The following AFAP1 variants were observed in gnomAD, a reference collection of about 807,000 sequenced individuals.
AFAP1 encodes actin filament associated protein 1, also known as actin filament-associated protein 1.
AFAP1 carries 75 observed loss-of-function variants against 93.9 expected under a neutral mutation model. The ratio of observed to expected loss-of-function variants is 0.80; its 90% CI spans 0.66 to 0.97. The LOEUF (loss-of-function observed/expected upper bound fraction) is 0.97, where lower values mean the gene tolerates loss of function less well. Ranked by LOEUF, AFAP1 falls within the 50% of genes least tolerant of loss-of-function variation. The probability of loss-of-function intolerance (pLI) is 0.00; values close to 1 mark genes in which losing one functional copy is unlikely to be tolerated. For synonymous variants in AFAP1, 517 were observed against 430.7 expected (o/e 1.20, Z -2.48); for missense variants, 1,201 against 1,050.8 (o/e 1.14, Z -1.98).
rs1713477829 is a variant in AFAP1 at position 7,759,489 on chromosome 4, G to T, written c.*4276C>A. The T allele has an allele frequency of 6.6e-6, 1 of 152,634 alleles. No individual in the cohort carries two copies. Among genetic ancestry groups the T allele is most frequent in the Non-Finnish European group, 1.5e-5 (1 of 68,034 alleles). The allele number at this position is 152,634 out of a possible 1,614,324, so 9.5% of individuals were successfully genotyped here. A position where few individuals can be genotyped will look rare whatever the true frequency, so the allele number is the denominator to read the frequency against. On this transcript the variant is annotated 3_prime_UTR_variant, in exon 18 of 18. Coordinates refer to ENST00000420658, the MANE Select transcript of AFAP1 (RefSeq NM_001134647.2). ...AGTGCTGTGCCACGTATTTACGGCA[G>T]GAACGTTTTGGTTTCATTTTAGTTT...
chr4:7,815,512 G>C (rs1234898490), intron 8 of AFAP1, among the ~76,000 whole-genome samples: 2 of 152,166 alleles, frequency 1.3e-5, no homozygotes, highest in African/African-American at 4.8e-5. Context: ...GAAATCGGCA[G>C]GTCTGGCCTC....
intron 8 of AFAP1, among the ~76,000 whole-genome samples, chr4:7,814,678 C>T (rs6826765): frequency 6.6e-6 from 1 of 152,182 alleles, no homozygotes; most frequent in Non-Finnish European, 1.5e-5. Context: ...AAGTCTGCAA[C>T]CGAGATGCTT....
chr4:7,826,542 CCAAAAA>C (rs1321761843), intron 6 of AFAP1, among the ~76,000 whole-genome samples: 1 of 152,206 alleles, frequency 6.6e-6, no homozygotes, highest in Non-Finnish European at 1.5e-5. Flanking sequence ...GGCCGGTAGG[CCAAAAA>C]CAAAAACAAA....
At chr4:7,891,039 C>A (rs1718441368) in intron 1 of AFAP1, among the ~76,000 whole-genome samples, 2 of 150,786 alleles carry the variant, frequency 1.3e-5, no homozygotes, top group African/African-American at 4.9e-5. Context: ...AAACAGATTG[C>A]AATATGTTCA....
At chr4:7,779,279 T>C (rs1189577195) in intron 13 of AFAP1, 1 of 172,304 alleles carries the variant, frequency 5.8e-6, no homozygotes, top group Non-Finnish European at 1.2e-5. Context: ...AGCACGACCC[T>C]GCAGTGTGAG....
chr4:7,826,441 C>G (rs536583748), intron 6 of AFAP1, among the ~76,000 whole-genome samples: 2 of 152,228 alleles, frequency 1.3e-5, no homozygotes, highest in Admixed American at 6.5e-5. Flanking sequence ...CAGCTGGAGA[C>G]AGAGCACAGC....
intron 4 of AFAP1, among the ~76,000 whole-genome samples, chr4:7,853,286 T>A (rs1213205973): frequency 6.7e-6 from 1 of 150,130 alleles, no homozygotes; most frequent in Non-Finnish European, 1.5e-5. Flanking sequence ...TTCTACTGTA[T>A]CAGCCTAGCA....
At chr4:7,837,554 T>G (rs1294946051) in intron 6 of AFAP1, among the ~76,000 whole-genome samples, 1 of 152,136 alleles carries the variant, frequency 6.6e-6, no homozygotes, top group Non-Finnish European at 1.5e-5. Context: ...AATAAGCCAC[T>G]CAGTTTATCA....
At chr4:7,858,610 T>C (rs1000848931) in intron 3 of AFAP1, among the ~76,000 whole-genome samples, 1 of 152,048 alleles carries the variant, frequency 6.6e-6, no homozygotes, top group South Asian at 2.1e-4. Flanking sequence ...ACAGGGAAGG[T>C]AGGTTTCCAA....
intron 1 of AFAP1, among the ~76,000 whole-genome samples, chr4:7,935,123 C>CA (rs1721299861): frequency 1.3e-5 from 2 of 152,306 alleles, no homozygotes; most frequent in South Asian, 4.1e-4. Flanking sequence ...AAGGAAAACT[C>CA]AGATTCATTC....
intron 10 of AFAP1, among the ~76,000 whole-genome samples, chr4:7,799,608 G>A (rs1226664071): frequency 6.6e-6 from 1 of 152,154 alleles, no homozygotes; most frequent in African/African-American, 2.4e-5. Flanking sequence ...GCGACCATCT[G>A]GCGTGTGAAT....
chr4:7,932,993 C>A (rs1721165378), intron 1 of AFAP1, among the ~76,000 whole-genome samples: 1 of 119,052 alleles, frequency 8.4e-6, no homozygotes, highest in Admixed American at 1.1e-4. Context: ...GCACTCCAGC[C>A]TGGGCAACAG....
At chr4:7,874,074 T>C (rs1333285762) in intron 1 of AFAP1, among the ~76,000 whole-genome samples, 1 of 152,216 alleles carries the variant, frequency 6.6e-6, no homozygotes. Context: ...TTGCCTAATG[T>C]CATATGTTGA....
At chr4:7,921,322 T>G (rs1393429258) in intron 1 of AFAP1, among the ~76,000 whole-genome samples, 3 of 151,310 alleles carry the variant, frequency 2.0e-5, no homozygotes, top group African/African-American at 7.3e-5. Flanking sequence ...TAGCTGGGAT[T>G]ACAGGCGCCC....
chr4:7,764,559 T>C (rs1225702979), intron 17 of AFAP1, among the ~76,000 whole-genome samples: 2 of 152,178 alleles, frequency 1.3e-5, no homozygotes, highest in Non-Finnish European at 2.9e-5. Context: ...CAATTTTACA[T>C]CGTGTTTATT....
At chr4:7,781,945 C>G (rs1223580199) in intron 12 of AFAP1, among the ~76,000 whole-genome samples, 1 of 152,084 alleles carries the variant, frequency 6.6e-6, no homozygotes, top group East Asian at 1.9e-4. Flanking sequence ...TTTGTCCTTT[C>G]TTTTAAAGGA....
intron 4 of AFAP1, among the ~76,000 whole-genome samples, chr4:7,847,940 T>A (rs1216787523): frequency 6.6e-6 from 1 of 151,836 alleles, no homozygotes; most frequent in African/African-American, 2.4e-5. Context: ...ATGCTCTTTG[T>A]ATCAGTCAGG....
chr4:7,917,881 C>T (rs1720174109), intron 1 of AFAP1, among the ~76,000 whole-genome samples: 1 of 152,178 alleles, frequency 6.6e-6, no homozygotes, highest in Non-Finnish European at 1.5e-5. Context: ...AGTCATCATC[C>T]CCACAACACT....
chr4:7,825,221 G>A (rs902074118), intron 6 of AFAP1, among the ~76,000 whole-genome samples: 4 of 151,996 alleles, frequency 2.6e-5, no homozygotes, highest in Non-Finnish European at 5.9e-5. Flanking sequence ...ATATCATAAC[G>A]AGTTAATGGT....
Sources: gnomAD v4.1 joint callset for allele counts (sites outside exome capture counted in the v4.1 genomes callset) on GRCh38, gnomAD v4.1.1 for gene constraint, MANE v1.5 for transcripts, NCBI Gene and HGNC (gene_info 2026-07-23, HGNC 2026-07-21) for gene names.